MRGBP: variants seen among roughly 807,000 people sequenced by gnomAD.
MRGBP encodes the protein MRG domain binding protein, also known as MRG/MORF4L-binding protein.
In MRGBP, 5 loss-of-function variants were observed where a neutral mutation model predicts 21.5. That is an observed-to-expected ratio of 0.23 (90% CI 0.12 to 0.49). MRGBP has a LOEUF of 0.49. MRGBP is among the 20% of genes least tolerant of loss of function. The pLI, the probability that MRGBP is intolerant of heterozygous loss-of-function variation, is 0.98. For missense variants in MRGBP, 227 were observed against 277.4 expected (o/e 0.82, Z 1.29); for synonymous variants, 118 against 104.4 (o/e 1.13, Z -0.79).
rs1162425789 is a variant in MRGBP at position 62,799,539 on chromosome 20, A to G, written c.511A>G (p.Lys171Glu). Residue 171 changes from lysine (K) to glutamate (E), a missense_variant, in exon 5 of 5, where the codon AAA becomes GAA. This residue lies in a region of MRGBP where 162 missense variants were observed against 227.7 expected (regional missense o/e 0.71). Transcript: ENST00000370487. ...GAAGAACTCCTCAGACTTGGGGTGC[A>G]AAGAAGGCGCAGACAAGCGGAAGCG... ...KEKNSSDLGC[K>E]EGADKRKRSR... The G allele has an allele frequency of 6.2e-7, 1 of 1,613,916 alleles. No individual in the cohort carries two copies. Among genetic ancestry groups the G allele is most frequent in the Non-Finnish European group, 8.5e-7 (1 of 1,180,018 alleles).
chr20:62,798,502 A>T, intron 2 of MRGBP, 85 bp from the exon 3 acceptor site: 1 of 1,137,238 alleles, frequency 8.8e-7, no homozygotes, highest in Non-Finnish European at 1.3e-6. Context: ...GCCTCTCCCC[A>T]AGTGGCTCTT....
intron 1 of MRGBP, among the ~76,000 whole-genome samples, 184 bp from the exon 2 acceptor site, chr20:62,796,926 C>T (rs1990349390): frequency 8.4e-6 from 1 of 119,712 alleles, no homozygotes; most frequent in Non-Finnish European, 1.8e-5. Context: ...ACCCCCGCCC[C>T]GGGACAGCCC....
intron 1 of MRGBP, 39 bp from the exon 2 acceptor site, chr20:62,797,065 CTCCTCA>C (rs765235764): frequency 1.4e-6 from 2 of 1,460,554 alleles, no homozygotes; most frequent in South Asian, 2.6e-5. Context: ...CATCCCCTTT[CTCCTCA>C]CCGCTCACCG....
chr20:62,799,386 A>G, intron 4 of MRGBP, 70 bp from the exon 5 acceptor site: 2 of 1,512,900 alleles, frequency 1.3e-6, no homozygotes, highest in Non-Finnish European at 1.8e-6. Context: ...AGATTTTTTT[A>G]ACTGAACAGG....
At chr20:62,799,237 C>A (rs527818916) in intron 4 of MRGBP, among the ~76,000 whole-genome samples, 188 bp downstream of exon 4, 3 of 152,214 alleles carry the variant, frequency 2.0e-5, no homozygotes, top group Admixed American at 6.5e-5. Context: ...ATGTTGTAGG[C>A]CAGGGTCTGA....
rs867434888 is a variant in MRGBP, at chr20:62,799,375, C to T, written c.428-81C>T. 35 of 1,450,930 alleles carry T rather than the reference C, an allele frequency of 2.4e-5. No individual in the cohort carries two copies. The Middle Eastern group carries it at 5.4e-4, about 22-fold the overall frequency. The allele number at this position is 1,450,930 out of a possible 1,614,324, so 89.9% of individuals were successfully genotyped here. ...GTTCAGAGGGTCACGTGTCAGTATG[C>T]AGATTTTTTTAACTGAACAGGAAGA... On this transcript the variant is annotated intron_variant, in intron 4 of 4. Transcript: ENST00000370487.
chr20:62,798,633 T>G lies in MRGBP; in HGVS notation c.317T>G (p.Val106Gly). 3 of 1,613,816 alleles carry G rather than the reference T, an allele frequency of 1.9e-6. No homozygotes were observed. Among genetic ancestry groups the G allele is most frequent in the Non-Finnish European group, 1.7e-6 (2 of 1,179,934 alleles). The change falls in exon 3 of 5, where the codon GTC becomes GGC. Residue 106 changes from valine (V) to glycine (G), a missense_variant. By Grantham distance (109) the Val-to-Gly change is moderately radical (BLOSUM62 -3). Around this residue, in one of 2 missense-constraint regions of MRGBP, gnomAD observed 162 missense variants for 227.7 expected, o/e 0.71. Coordinates refer to ENST00000370487, the MANE Select transcript of MRGBP (RefSeq NM_018270.6). ...LPFPNPERNF[V>G]LPEEIIQEVR... ...TTCCCGAATCCAGAGAGGAACTTCG[T>G]CCTTCCAGAAGAGATCATTCAGGAG...
At chr20:62,797,270 C>A (rs1387571491) in intron 2 of MRGBP, 39 bp downstream of exon 2, 9 of 1,513,196 alleles carry the variant, frequency 5.9e-6, no homozygotes, top group Non-Finnish European at 5.3e-6. Context: ...CCGATGGGGG[C>A]ACGAACCCGC....
chr20:62,798,293 G>T (rs919739004), intron 2 of MRGBP, among the ~76,000 whole-genome samples: 1 of 152,222 alleles, frequency 6.6e-6, no homozygotes, highest in Non-Finnish European at 1.5e-5. Flanking sequence ...CACCAGGGCT[G>T]CCCGGTCCTC....
chr20:62,799,499 C>T lies in MRGBP; in HGVS notation c.471C>T (p.Ser157=), dbSNP rs1405199537. 1.9e-6 allele frequency: 3 copies of T among 1,613,614 alleles called. No individual in the cohort carries two copies. The highest frequency in any genetic ancestry group is 2.5e-6 in the Non-Finnish European group (3 of 1,179,916). Residue 157 remains serine, a synonymous_variant, in exon 5 of 5, where the codon TCC becomes TCT. Coordinates refer to ENST00000370487, the MANE Select transcript of MRGBP (RefSeq NM_018270.6). ...GTTTGGGGAAAGCATCAGAAAAATCCAGCAAAGACAAAGAGAAGAACTCCT... is the reference window on the plus strand; with the variant it reads ...GTTTGGGGAAAGCATCAGAAAAATCTAGCAAAGACAAAGAGAAGAACTCCT... ...SGSLGKASEK[S]SKDKEKNSSD...
chr20:62,798,893 C>G lies in MRGBP; in HGVS notation c.353-82C>G, dbSNP rs553602361. On this transcript the variant is annotated intron_variant, in intron 3 of 4. Transcript: ENST00000370487. ...TGAGGCCTGTGTGGGCAGCAAGCGTCGGAGCAGTCCCTGGCCTGACCATCC... is the reference window on the plus strand; with the variant it reads ...TGAGGCCTGTGTGGGCAGCAAGCGTGGGAGCAGTCCCTGGCCTGACCATCC... 5.0e-6 allele frequency: 8 copies of G among 1,597,660 alleles called. No individual in the cohort carries two copies. The African/African-American group carries it at 8.0e-5, about 16-fold the overall frequency.
Position 62,799,477 on chromosome 20 carries a change from T to C in MRGBP, c.449T>C (p.Leu150Ser). ...ADDVFSSSGS[L>S]GKASEKSSKD... ...TCAGTTTTTTCATCTTCAGGGAGTT[T>C]GGGGAAAGCATCAGAAAAATCCAGC... Residue 150 changes from leucine to serine, a missense_variant, in exon 5 of 5, where the codon TTG becomes TCG. By Grantham distance (145) the Leu-to-Ser change is moderately radical. Around this residue, in one of 2 missense-constraint regions of MRGBP, gnomAD observed 162 missense variants for 227.7 expected, o/e 0.71. Transcript: ENST00000370487. 1 of 1,612,464 alleles carries C rather than the reference T, an allele frequency of 6.2e-7. No homozygotes were observed.
In MRGBP at chr20:62,796,502, C is replaced by G; in HGVS notation, c.-22C>G. The G allele has an allele frequency of 1.8e-6, 2 of 1,131,858 alleles. No individual in the cohort carries two copies. Among genetic ancestry groups the G allele is most frequent in the Middle Eastern group, 3.8e-4 (1 of 2,660 alleles). 70.1% of individuals were successfully genotyped at this position (1,131,858 alleles called of 1,614,324 possible). A position where few individuals can be genotyped will look rare whatever the true frequency, so the allele number is the denominator to read the frequency against. On this transcript the variant is annotated 5_prime_UTR_variant, in exon 1 of 5. Coordinates refer to ENST00000370487, the MANE Select transcript of MRGBP (RefSeq NM_018270.6). ...CCGCGCCTGCTCCCGCCGGGGGCTC[C>G]TTGCTCGGCCGGGCCGCGGCCATGG...
rs774461936 is a variant in MRGBP, at chr20:62,799,035, A to G, written c.413A>G (p.Asn138Ser). Residue 138 changes from asparagine (N) to serine (S), a missense_variant, in exon 4 of 5, where the codon AAT becomes AGT. Around this residue, in one of 2 missense-constraint regions of MRGBP, gnomAD observed 162 missense variants for 227.7 expected, o/e 0.71. Transcript: ENST00000370487. ...ATGAAGGAAGACGTGGACCCCCACA[A>G]TGGGGCTGACGATGGTGAGTGTGGA... is the stretch of plus-strand genomic sequence containing the variant. Reference protein sequence around the residue: ...EEMKEDVDPHNGADDVFSSSG... With the variant: ...EEMKEDVDPHSGADDVFSSSG... The G allele has an allele frequency of 6.2e-7, 1 of 1,612,752 alleles. No individual in the cohort carries two copies. The highest frequency in any genetic ancestry group is 1.1e-5 in the South Asian group (1 of 91,030).
chr20:62,798,926 T>C (rs769868843), intron 3 of MRGBP, 49 bp from the exon 4 acceptor site: 1 of 1,611,486 alleles, frequency 6.2e-7, no homozygotes, highest in East Asian at 2.2e-5. Flanking sequence ...TCCCCCAGCG[T>C]CGGCCACCAC....
intron 4 of MRGBP, 104 bp downstream of exon 4, chr20:62,799,153 A>T (rs551769546): frequency 1.6e-6 from 2 of 1,230,532 alleles, no homozygotes; most frequent in Non-Finnish European, 2.3e-6. Flanking sequence ...TGCGGTGCAG[A>T]GGCCCCAGGC....
chr20:62,797,025 C>T lies in MRGBP; in HGVS notation c.149-85C>T, dbSNP rs375505275. The T allele has an allele frequency of 2.1e-4, 291 of 1,397,090 alleles. 1 individual carries two copies. In the East Asian group the frequency reaches 4.0e-3, roughly 19 times the overall value. The allele number at this position is 1,397,090 out of a possible 1,614,324, so 86.5% of individuals were successfully genotyped here. A position where few individuals can be genotyped will look rare whatever the true frequency, so the allele number is the denominator to read the frequency against. Reference sequence around the variant, plus strand: ...CCATCTCTCCGCAGCCACCCTTGCCCCTCCAGTCCCCAGGGCAGCCCGTCC... The same window carrying T: ...CCATCTCTCCGCAGCCACCCTTGCCTCTCCAGTCCCCAGGGCAGCCCGTCC... On this transcript the variant is annotated intron_variant, in intron 1 of 4. Transcript: ENST00000370487.
At chr20:62,798,457 G>T (rs529622141) in intron 2 of MRGBP, 130 bp from the exon 3 acceptor site, 3 of 724,774 alleles carry the variant, frequency 4.1e-6, no homozygotes, top group East Asian at 2.6e-5. Context: ...TGCCCCGCCC[G>T]CCGCAGCCTC....
chr20:62,797,376 G>T, intron 2 of MRGBP, 145 bp downstream of exon 2: 1 of 1,181,520 alleles, frequency 8.5e-7, no homozygotes, highest in Non-Finnish European at 1.1e-6. Flanking sequence ...ATGCCTGCTG[G>T]GGTCTGCAGT....
Sources: allele counts gnomAD v4.1 joint callset (sites outside exome capture counted in the v4.1 genomes callset), GRCh38; gene constraint gnomAD v4.1.1; regional missense constraint gnomAD v4.1.1; transcripts MANE v1.5; gene names NCBI Gene and HGNC (gene_info 2026-07-23, HGNC 2026-07-21).